TENM2: variants seen among roughly 807,000 people sequenced by gnomAD.
TENM2 encodes teneurin-2.
In TENM2, 52 loss-of-function variants were observed where a neutral mutation model predicts 245.2. The observed-to-expected ratio is 0.21, with a 90% CI of 0.17 to 0.27. The LOEUF (loss-of-function observed/expected upper bound fraction) is 0.27, where lower values mean the gene tolerates loss of function less well. TENM2 is among the 10% of genes least tolerant of loss of function. TENM2 has a pLI of 1.00. For missense variants in TENM2, 3,046 were observed against 3,666.8 expected (o/e 0.83, Z 4.37); for synonymous variants, 1,363 against 1,438.9 (o/e 0.95, Z 1.19).
At chr5:167,684,776 A>G (rs1190686601) in intron 2 of TENM2, among the ~76,000 whole-genome samples, 2 of 152,180 alleles carry the variant, frequency 1.3e-5, no homozygotes, top group Non-Finnish European at 2.9e-5. Flanking sequence ...AGCACCTACT[A>G]TATTGAGCCA....
At chr5:167,896,716 A>G (rs1775255301) in intron 3 of TENM2, among the ~76,000 whole-genome samples, 1 of 152,206 alleles carries the variant, frequency 6.6e-6, no homozygotes. Context: ...TAACTCTGGT[A>G]AAAGAGTCAA....
intron 2 of TENM2, among the ~76,000 whole-genome samples, chr5:167,473,890 A>G (rs1056933578): frequency 4.6e-5 from 7 of 152,304 alleles, no homozygotes; most frequent in Admixed American, 1.3e-4. Flanking sequence ...CTCAATGAGC[A>G]TCATCAACTC....
chr5:167,763,938 C>G (rs1294085433), intron 2 of TENM2, among the ~76,000 whole-genome samples: 1 of 151,944 alleles, frequency 6.6e-6, no homozygotes, highest in Non-Finnish European at 1.5e-5. Flanking sequence ...AACTGACAAG[C>G]AACTTATTAC....
chr5:167,709,821 G>T (rs545951388), intron 2 of TENM2, among the ~76,000 whole-genome samples: 1 of 152,194 alleles, frequency 6.6e-6, no homozygotes, highest in Non-Finnish European at 1.5e-5. Flanking sequence ...GAGAGTGAGA[G>T]AGTGTGGGAG....
intron 2 of TENM2, among the ~76,000 whole-genome samples, chr5:167,730,672 A>G (rs1262008869): frequency 6.6e-6 from 1 of 152,196 alleles, no homozygotes; most frequent in East Asian, 1.9e-4. Context: ...TGTTCTGTGG[A>G]CTTCTTATGA....
chr5:168,235,680 G>A (rs772090653), intron 25 of TENM2, among the ~76,000 whole-genome samples: 1 of 152,038 alleles, frequency 6.6e-6, no homozygotes, highest in Non-Finnish European at 1.5e-5. Context: ...GGTGCGGCAC[G>A]CCTATAATCC....
chr5:167,959,580 A>G (rs965592361), intron 4 of TENM2, among the ~76,000 whole-genome samples: 6 of 152,130 alleles, frequency 3.9e-5, no homozygotes, highest in African/African-American at 1.4e-4. Flanking sequence ...TAAACTGGTT[A>G]TTCTAGTTAG....
intron 2 of TENM2, among the ~76,000 whole-genome samples, chr5:167,740,820 T>A (rs570230693): frequency 6.6e-6 from 1 of 152,296 alleles, no homozygotes; most frequent in East Asian, 1.9e-4. Flanking sequence ...CATTTTCAAA[T>A]TCCCTCTTGG....
chr5:168,141,926 C>T (rs780677300), intron 12 of TENM2, among the ~76,000 whole-genome samples: 4 of 152,102 alleles, frequency 2.6e-5, no homozygotes, highest in African/African-American at 9.7e-5. Context: ...TATTTTGGAG[C>T]GATTGGAGCG....
the TENM2 span, among the ~76,000 whole-genome samples, chr5:166,987,507 G>A: frequency 1.4e-5 from 2 of 147,514 alleles, no homozygotes; most frequent in African/African-American, 2.5e-5. Context: ...GTGAGATCAA[G>A]GATATAACTT....
the TENM2 span, among the ~76,000 whole-genome samples, chr5:167,006,319 C>G: frequency 7.2e-5 from 11 of 152,214 alleles, no homozygotes; most frequent in African/African-American, 2.6e-4. Flanking sequence ...CTATTAATCT[C>G]AAAATTATTA....
At chr5:167,411,257 G>T (rs1043149446) in intron 2 of TENM2, among the ~76,000 whole-genome samples, 1 of 151,902 alleles carries the variant, frequency 6.6e-6, no homozygotes, top group Non-Finnish European at 1.5e-5. Flanking sequence ...CTTTTGCATG[G>T]GATATTATAC....
At chr5:167,445,369 A>AGAGAGAGAGAGAGAGAGAGAGTGAGAGT (rs35699708) in intron 2 of TENM2, among the ~76,000 whole-genome samples, 1 of 98,578 alleles carries the variant, frequency 1.0e-5, no homozygotes, top group African/African-American at 5.1e-5. Context: ...AGAGAGAGAG[A>AGAGAGAGAGAGAGAGAGAGAGTGAGAGT]GTGTCAGGTG....
intron 9 of TENM2, among the ~76,000 whole-genome samples, chr5:168,115,640 A>G (rs1055572242): frequency 6.6e-6 from 1 of 152,082 alleles, no homozygotes; most frequent in African/African-American, 2.4e-5. Flanking sequence ...AGCCCTTGGA[A>G]GCTCATTTAA....
chr5:167,704,103 G>T (rs1385183538), intron 2 of TENM2, among the ~76,000 whole-genome samples: 6 of 152,178 alleles, frequency 3.9e-5, no homozygotes, highest in African/African-American at 1.4e-4. Flanking sequence ...AATTGGCCGT[G>T]GTACAAGCCT....
intron 3 of TENM2, 41 bp downstream of exon 5, chr5:167,876,236 G>T (rs1408719141): frequency 1.4e-6 from 2 of 1,461,756 alleles, no homozygotes; most frequent in Admixed American, 2.0e-5. Flanking sequence ...GGTGTTTCGT[G>T]AGTGACATTC....
the TENM2 span, among the ~76,000 whole-genome samples, chr5:167,186,953 C>A: frequency 6.6e-6 from 1 of 152,212 alleles, no homozygotes; most frequent in Non-Finnish European, 1.5e-5. Context: ...CTTATGTCTT[C>A]TGCTAAACAA....
chr5:167,284,839 T>C, exon 1 of TENM2: 1 of 1,550,356 alleles, frequency 6.5e-7, no homozygotes, highest in Admixed American at 2.0e-5. Flanking sequence ...TCTGGAATAA[T>C]GGATGTAAAG....
At chr5:167,254,443 C>T in the TENM2 span, among the ~76,000 whole-genome samples, 1 of 152,076 alleles carries the variant, frequency 6.6e-6, no homozygotes, top group East Asian at 1.9e-4. Flanking sequence ...CAAAGTCATC[C>T]CTCCACCCAG....
Sources: allele counts gnomAD v4.1 joint callset (sites outside exome capture counted in the v4.1 genomes callset), GRCh38; gene constraint gnomAD v4.1.1; transcripts MANE v1.5; gene names NCBI Gene and HGNC (gene_info 2026-07-23, HGNC 2026-07-21).